ZBTB20: variants seen among roughly 807,000 people sequenced by gnomAD.
The protein encoded by ZBTB20 is zinc finger and BTB domain containing 20.
ZBTB20 carries 9 observed loss-of-function variants against 56.9 expected under a neutral mutation model. The observed-to-expected ratio is 0.16, with a 90% CI of 0.10 to 0.28. The LOEUF is 0.28. Ranked by LOEUF, ZBTB20 falls within the 10% of genes least tolerant of loss-of-function variation. The pLI is 1.00. For missense variants in ZBTB20, 655 were observed against 1,003.0 expected (o/e 0.65, Z 4.69); for synonymous variants, 417 against 420.7 (o/e 0.99, Z 0.11).
chr3:114,900,506 AAT>A (rs144735433), intron 3 of ZBTB20, 164 bp from the exon 4 acceptor site: 1 of 137,968 alleles, frequency 7.2e-6, no homozygotes, highest in African/African-American at 3.0e-5. Flanking sequence ...TATATCTGAA[AAT>A]ATATACACAC....
rs1451466885 is a variant in ZBTB20 at position 114,944,062 on chromosome 3, A to G, written c.-456+30304T>C. On this transcript the variant is annotated intron_variant, in intron 3 of 11. Coordinates refer to ENST00000675478, the MANE Select transcript of ZBTB20 (RefSeq NM_001348800.3). ...TTGCTCATGAAAAACAATTGAAGCC[A>G]GAGAACAAAGCCATGATATCTTTAA... 1.4e-5 allele frequency among the ~76,000 whole-genome samples: 2 copies of G among 146,044 alleles called. 1 individual carries two copies. The highest frequency in any genetic ancestry group is 5.5e-5 in the African/African-American group (2 of 36,054).
intron 10 of ZBTB20, among the ~76,000 whole-genome samples, chr3:114,363,629 T>C (rs1045485739): frequency 8.5e-5 from 13 of 152,138 alleles, no homozygotes; most frequent in African/African-American, 2.9e-4. Flanking sequence ...TAGGGACAAA[T>C]AGAATATGAG....
intron 10 of ZBTB20, among the ~76,000 whole-genome samples, chr3:114,372,841 TTAAACAA>T (rs1323794986): frequency 6.6e-6 from 1 of 151,886 alleles, no homozygotes; most frequent in Non-Finnish European, 1.5e-5. Flanking sequence ...CAGACCCTGT[TTAAACAA>T]AAAAGAAAAA....
rs577339675 is a variant in ZBTB20, at chr3:114,317,092, A to G, written c.*21913T>C. ...GCCCCTGCATGCTCAAACATCACCC[A>G]TATGTCCCCACGCCTAAGGCTGACT... On this transcript the variant is annotated 3_prime_UTR_variant, in exon 12 of 12. Coordinates refer to ENST00000675478, the MANE Select transcript of ZBTB20 (RefSeq NM_001348800.3). 6.5e-6 allele frequency: 1 copy of G among 154,448 alleles called. No homozygotes were observed. The highest frequency in any genetic ancestry group is 2.4e-5 in the African/African-American group (1 of 41,368). The allele number at this position is 154,448 out of a possible 1,614,324, so 9.6% of individuals were successfully genotyped here.
At position 114,776,644 on chromosome 3, in the gene ZBTB20, A is replaced by G. The variant is rs185960672; in HGVS notation, c.-343+24457T>C. Among the ~76,000 whole-genome samples, 558 of 152,350 alleles carry G rather than the reference A, an allele frequency of 3.7e-3. 1 individual carries two copies. The highest frequency in any genetic ancestry group is 0.013 in the African/African-American group (535 of 41,588). On this transcript the variant is annotated intron_variant, in intron 5 of 11. Coordinates refer to ENST00000675478, the MANE Select transcript of ZBTB20 (RefSeq NM_001348800.3). ...GTCACCAGGCTTGTGGTAGTTTGTT[A>G]TAGCAGCCACAGGAAACTAATACAA...
intron 7 of ZBTB20, among the ~76,000 whole-genome samples, chr3:114,418,529 G>A (rs1430510490): frequency 1.3e-5 from 2 of 151,208 alleles, no homozygotes; most frequent in African/African-American, 4.9e-5. Context: ...AAATGGAATA[G>A]ATTTCAATAG....
chr3:114,978,996 A>G (rs1380595625), intron 2 of ZBTB20, among the ~76,000 whole-genome samples: 14 of 151,910 alleles, frequency 9.2e-5, no homozygotes, highest in African/African-American at 3.4e-4. Flanking sequence ...TAGAGAAAAA[A>G]AAATGTAAGG....
intron 7 of ZBTB20, among the ~76,000 whole-genome samples, chr3:114,473,116 C>G (rs2040333090): frequency 6.6e-6 from 1 of 152,176 alleles, no homozygotes; most frequent in Non-Finnish European, 1.5e-5. Flanking sequence ...AGACATACTT[C>G]AACTGTGGCT....
At chr3:115,099,583 C>T (rs2083503408) in intron 1 of ZBTB20, among the ~76,000 whole-genome samples, 1 of 152,196 alleles carries the variant, frequency 6.6e-6, no homozygotes, top group Non-Finnish European at 1.5e-5. Context: ...GCAACTACCC[C>T]TCACCTTATG....
intron 6 of ZBTB20, among the ~76,000 whole-genome samples, chr3:114,645,444 G>A (rs1338037733): frequency 6.6e-6 from 1 of 152,052 alleles, no homozygotes; most frequent in Non-Finnish European, 1.5e-5. Context: ...CCAATCACTC[G>A]AAGACTGACT....
intron 2 of ZBTB20, among the ~76,000 whole-genome samples, chr3:115,017,633 T>C (rs2080026775): frequency 2.6e-5 from 4 of 151,736 alleles, no homozygotes; most frequent in South Asian, 2.1e-4. Flanking sequence ...AAGTATGTTA[T>C]CATTAATGCT....
At chr3:115,034,440 A>C (rs2080831761) in intron 2 of ZBTB20, among the ~76,000 whole-genome samples, 1 of 151,858 alleles carries the variant, frequency 6.6e-6, no homozygotes, top group Non-Finnish European at 1.5e-5. Context: ...ATTGCTACAC[A>C]CTAACACTGA....
intron 6 of ZBTB20, among the ~76,000 whole-genome samples, chr3:114,618,549 C>T (rs1174798273): frequency 1.3e-5 from 2 of 152,126 alleles, no homozygotes; most frequent in African/African-American, 2.4e-5. Flanking sequence ...TGAGCCACTG[C>T]ATCTGGCCCA....
intron 6 of ZBTB20, among the ~76,000 whole-genome samples, chr3:114,545,359 T>G (rs1378772682): frequency 6.6e-6 from 1 of 152,192 alleles, no homozygotes; most frequent in Non-Finnish European, 1.5e-5. Context: ...TGTATACCAC[T>G]TTTTAGGTTG....
At chr3:114,487,226 G>A (rs1468046299) in intron 7 of ZBTB20, among the ~76,000 whole-genome samples, 4 of 152,114 alleles carry the variant, frequency 2.6e-5, no homozygotes, top group African/African-American at 9.7e-5. Flanking sequence ...TTGACACTCT[G>A]AGCCCTAGGT....
chr3:115,112,994 G>T (rs1489670676), intron 1 of ZBTB20, among the ~76,000 whole-genome samples: 1 of 152,098 alleles, frequency 6.6e-6, no homozygotes, highest in Admixed American at 6.5e-5. Flanking sequence ...ATTCTGACCA[G>T]TGTAAGATGT....
At chr3:114,753,316 T>TATA (rs1408562567) in intron 5 of ZBTB20, among the ~76,000 whole-genome samples, 6 of 142,620 alleles carry the variant, frequency 4.2e-5, no homozygotes, top group East Asian at 2.0e-4. Flanking sequence ...ATAATGTATA[T>TATA]ATGTATACCT....
At chr3:114,466,600 T>C (rs1692951431) in intron 7 of ZBTB20, among the ~76,000 whole-genome samples, 1 of 152,200 alleles carries the variant, frequency 6.6e-6, no homozygotes, top group East Asian at 1.9e-4. Context: ...CAAGAGAACG[T>C]CCCAAAGCAA....
chr3:115,117,670 G>A (rs2084059000), intron 1 of ZBTB20, among the ~76,000 whole-genome samples: 2 of 151,562 alleles, frequency 1.3e-5, no homozygotes, highest in Admixed American at 6.6e-5. Flanking sequence ...GAAACCAGAG[G>A]TAGAGAAAAA....
Sources: gnomAD v4.1 joint callset for allele counts (sites outside exome capture counted in the v4.1 genomes callset) on GRCh38, gnomAD v4.1.1 for gene constraint, MANE v1.5 for transcripts, NCBI Gene and HGNC (gene_info 2026-07-23, HGNC 2026-07-21) for gene names.